SLC35F4: variants seen among roughly 807,000 people sequenced by gnomAD.
SLC35F4 encodes chromosome 14 open reading frame 36.
Under a neutral mutation model 44.2 loss-of-function variants are expected in SLC35F4, and 24 were observed. The ratio of observed to expected loss-of-function variants is 0.54; its 90% CI spans 0.39 to 0.76. The LOEUF is 0.76. SLC35F4 is among the 30% of genes least tolerant of loss of function. The pLI is 0.00. For missense variants in SLC35F4, 562 were observed against 586.1 expected (o/e 0.96, Z 0.42); for synonymous variants, 238 against 223.6 (o/e 1.06, Z -0.57).
intron 1 of SLC35F4, among the ~76,000 whole-genome samples, chr14:57,742,202 G>A (rs1181132624): frequency 6.6e-6 from 1 of 152,150 alleles, no homozygotes; most frequent in Non-Finnish European, 1.5e-5. Context: ...CATAATGACA[G>A]GATCAAATTC....
At chr14:57,788,503 C>A (rs2077826443) in intron 1 of SLC35F4, among the ~76,000 whole-genome samples, 1 of 152,084 alleles carries the variant, frequency 6.6e-6, no homozygotes, top group Non-Finnish European at 1.5e-5. Context: ...CCAAGATAGA[C>A]CATATGATAG....
intron 1 of SLC35F4, among the ~76,000 whole-genome samples, chr14:57,964,976 A>AG (rs1247834241): frequency 1.8e-5 from 1 of 55,064 alleles, no homozygotes; most frequent in Non-Finnish European, 3.4e-5. Flanking sequence ...CCATGGGGGA[A>AG]AAAAAAAAAA....
chr14:57,837,477 T>C (rs1290029964), intron 1 of SLC35F4: 1 of 152,170 alleles, frequency 6.6e-6, no homozygotes, highest in Non-Finnish European at 1.5e-5. Flanking sequence ...CTCGCATGCC[T>C]TTGACCAAGG....
In SLC35F4 at chr14:57,860,363, G is replaced by T. The variant is rs375984218; in HGVS notation, c.103+5360C>A. Among the ~76,000 whole-genome samples, 255 of 152,306 alleles carry T rather than the reference G, an allele frequency of 1.7e-3. 1 individual carries two copies. The highest frequency in any genetic ancestry group is 6.8e-3 in the Middle Eastern group (2 of 294). On this transcript the variant is annotated intron_variant, in intron 1 of 7. Transcript: ENST00000556826. Reference sequence around the variant, plus strand: ...AAAGAGAGGCAACTGTTTACCAAAGGTGGGTGAAGAGAGGCGAAGTAAATG... The same window carrying T: ...AAAGAGAGGCAACTGTTTACCAAAGTTGGGTGAAGAGAGGCGAAGTAAATG...
chr14:57,609,690 A>G (rs1248693118), intron 1 of SLC35F4, among the ~76,000 whole-genome samples: 2 of 152,226 alleles, frequency 1.3e-5, no homozygotes, highest in African/African-American at 2.4e-5. Flanking sequence ...TCCTAAATTT[A>G]TCTGATGGAG....
At chr14:57,734,812 A>C (rs112886558) in intron 1 of SLC35F4, among the ~76,000 whole-genome samples, 338 of 152,322 alleles carry the variant, frequency 2.2e-3, no homozygotes, top group African/African-American at 7.6e-3. Flanking sequence ...ACCCAGGTCC[A>C]CTGTCATATT....
Position 57,963,165 on chromosome 14 carries a change from G to A in SLC35F4, n.282+18748C>T, listed in dbSNP as rs114576843. Reference sequence around the variant, plus strand: ...CTCTTCTCAGGTTAAAATTCAGGATGAATTCCTAGCCTTGTTTGCTTTCAG... The same window carrying A: ...CTCTTCTCAGGTTAAAATTCAGGATAAATTCCTAGCCTTGTTTGCTTTCAG... On this transcript the variant is annotated intron_variant and non_coding_transcript_variant, in intron 1 of 1. Transcript: ENST00000556568. Among the ~76,000 whole-genome samples the A allele has an allele frequency of 6.3e-3, 962 of 152,224 alleles. 12 individuals are homozygous for A. The highest frequency in any genetic ancestry group is 0.022 in the African/African-American group (906 of 41,530).
chr14:57,663,486 A>G (rs73305916), intron 1 of SLC35F4, among the ~76,000 whole-genome samples: 4,713 of 152,036 alleles, frequency 0.031, 239 homozygotes, highest in African/African-American at 0.11. Context: ...TTACCAAGGG[A>G]CTCTCTGCTC....
chr14:57,564,349 A>ATCACC lies in SLC35F4; in HGVS notation c.1239_1243dup (p.Ile415ArgfsTer2), dbSNP rs2068099166. ...AGCAGCCAGGCGGACAACATTGAAT[A>ATCACC]TCACCTCCTGCTTTAGGAGATCCAC... On this transcript the variant is annotated stop_gained and frameshift_variant, in exon 8 of 8. Transcript: ENST00000556826. LOFTEE classifies it high-confidence loss of function. 2 of 1,609,118 alleles carry ATCACC rather than the reference A, an allele frequency of 1.2e-6. No homozygotes were observed. Among genetic ancestry groups the ATCACC allele is most frequent in the Non-Finnish European group, 1.7e-6 (2 of 1,177,736 alleles).
upstream of SLC35F4, among the ~76,000 whole-genome samples, chr14:57,869,542 G>T (rs1888251891): frequency 6.6e-6 from 1 of 152,176 alleles, no homozygotes; most frequent in East Asian, 1.9e-4. Flanking sequence ...GAAAGATGCT[G>T]AAAGAAGGGG....
At chr14:57,843,582 C>T (rs187079963) in intron 1 of SLC35F4, among the ~76,000 whole-genome samples, 31 of 152,228 alleles carry the variant, frequency 2.0e-4, no homozygotes, top group African/African-American at 7.5e-4. Flanking sequence ...ATAATCTCAC[C>T]TAAACTACCA....
intron 1 of SLC35F4, among the ~76,000 whole-genome samples, chr14:57,786,571 T>C (rs752336546): frequency 4.6e-5 from 7 of 152,130 alleles, no homozygotes; most frequent in Non-Finnish European, 7.4e-5. Context: ...GGGAGGTCCA[T>C]AGATGGTTCA....
At chr14:57,689,570 T>G (rs2075166926) in intron 1 of SLC35F4, among the ~76,000 whole-genome samples, 2 of 152,104 alleles carry the variant, frequency 1.3e-5, no homozygotes, top group African/African-American at 2.4e-5. Flanking sequence ...AAATAAAAAT[T>G]GAATATATCA....
At chr14:57,737,123 T>TGTGC (rs2076485221) in intron 1 of SLC35F4, among the ~76,000 whole-genome samples, 1 of 150,654 alleles carries the variant, frequency 6.6e-6, no homozygotes, top group African/African-American at 2.5e-5. Context: ...TGTGTGTGTG[T>TGTGC]GCATGTGTGT....
chr14:57,740,372 T>G (rs1455408819), intron 1 of SLC35F4, among the ~76,000 whole-genome samples: 1 of 152,230 alleles, frequency 6.6e-6, no homozygotes. Context: ...ATTTCTATTT[T>G]TCCAACACCA....
rs201762236 is a variant in SLC35F4 at position 57,782,298 on chromosome 14, T to A, written c.103+83425A>T. Among the ~76,000 whole-genome samples the A allele has an allele frequency of 8.3e-4, 127 of 152,176 alleles. No homozygotes were observed. In the Middle Eastern group the frequency reaches 0.01, roughly 12 times the overall value. On this transcript the variant is annotated intron_variant, in intron 1 of 7. Transcript: ENST00000556826. ...TCACACATCCCCTTATACATGGATT[T>A]TTTTTCAATATACTGGGAAATTTTT...
At position 57,732,319 on chromosome 14, in the gene SLC35F4, C is replaced by T. The variant is rs113836168; in HGVS notation, c.103+133404G>A. On this transcript the variant is annotated intron_variant, in intron 1 of 7. Transcript: ENST00000556826. Reference sequence around the variant, plus strand: ...TACAGGTTTTATTTCTTTGAATAAACCCTTTGAAAGACTGAAATTACAAAC... The same window carrying T: ...TACAGGTTTTATTTCTTTGAATAAATCCTTTGAAAGACTGAAATTACAAAC... Among the ~76,000 whole-genome samples the T allele has an allele frequency of 2.1e-3, 327 of 152,152 alleles. 1 individual carries two copies. Among genetic ancestry groups the T allele is most frequent in the Middle Eastern group, 0.01 (3 of 294 alleles).
intron 1 of SLC35F4, among the ~76,000 whole-genome samples, chr14:57,636,712 G>A (rs2073032058): frequency 6.6e-6 from 1 of 151,882 alleles, no homozygotes; most frequent in Admixed American, 6.6e-5. Flanking sequence ...TTTTTGGTGG[G>A]TTTACCAGAT....
At chr14:57,933,557 A>G (rs58123420) in intron 1 of SLC35F4, among the ~76,000 whole-genome samples, 3,330 of 152,310 alleles carry the variant, frequency 0.022, 110 homozygotes, top group East Asian at 0.075. Flanking sequence ...GACAAAGCTG[A>G]TACCAGTCAG....
Sources: gnomAD v4.1 joint callset for allele counts (sites outside exome capture counted in the v4.1 genomes callset) on GRCh38, gnomAD v4.1.1 for gene constraint, MANE v1.5 for transcripts, NCBI Gene and HGNC (gene_info 2026-07-23, HGNC 2026-07-21) for gene names.